The following LPAR1 variants were observed in gnomAD, a reference collection of about 807,000 sequenced individuals.
The protein encoded by LPAR1 is lysophosphatidic acid receptor 1, also known as LPA receptor 1.
Under a neutral mutation model 23.8 loss-of-function variants are expected in LPAR1, and 5 were observed. The ratio of observed to expected loss-of-function variants is 0.21; its 90% CI spans 0.11 to 0.44. The LOEUF is 0.44. Ranked by LOEUF, LPAR1 falls within the 20% of genes least tolerant of loss-of-function variation. The pLI is 0.99. For missense variants in LPAR1, 311 were observed against 482.8 expected (o/e 0.64, Z 3.33); for synonymous variants, 160 against 164.7 (o/e 0.97, Z 0.22).
chr9:110,986,254 C>T (rs1336720846), intron 2 of LPAR1, among the ~76,000 whole-genome samples: 1 of 152,120 alleles, frequency 6.6e-6, no homozygotes, highest in Non-Finnish European at 1.5e-5. Flanking sequence ...ACTGAGGGCG[C>T]CACTGTGCCA....
intron 2 of LPAR1, among the ~76,000 whole-genome samples, chr9:111,020,959 A>C (rs2097548996): frequency 6.6e-6 from 1 of 152,228 alleles, no homozygotes; most frequent in African/African-American, 2.4e-5. Context: ...CAAACAGAAA[A>C]AGCATGCATC....
chr9:110,991,751 G>A (rs1227484283), intron 2 of LPAR1, among the ~76,000 whole-genome samples: 4 of 152,062 alleles, frequency 2.6e-5, no homozygotes, highest in African/African-American at 9.7e-5. Flanking sequence ...TGGGATTACA[G>A]GTATGTGCCA....
At chr9:111,025,272 G>A (rs918551644) in intron 2 of LPAR1, among the ~76,000 whole-genome samples, 24 of 152,134 alleles carry the variant, frequency 1.6e-4, no homozygotes, top group African/African-American at 5.8e-4. Context: ...GCTCATTGTG[G>A]TTTGATTTGT....
At chr9:111,008,963 C>G (rs2097272945) in intron 2 of LPAR1, among the ~76,000 whole-genome samples, 1 of 151,864 alleles carries the variant, frequency 6.6e-6, no homozygotes. Context: ...GGGGTGGGAT[C>G]GCAAAGCACA....
intron 2 of LPAR1, among the ~76,000 whole-genome samples, chr9:110,975,698 GCTCTT>G (rs1247408919): frequency 6.6e-6 from 1 of 152,148 alleles, no homozygotes; most frequent in Non-Finnish European, 1.5e-5. Flanking sequence ...AGAACCTTGT[GCTCTT>G]CTCATCTATA....
At chr9:110,997,615 A>G (rs533889834) in intron 2 of LPAR1, among the ~76,000 whole-genome samples, 7 of 152,274 alleles carry the variant, frequency 4.6e-5, no homozygotes, top group African/African-American at 1.7e-4. Flanking sequence ...CTTTTAACAG[A>G]GTTTTTTATT....
intron 5 of LPAR1, among the ~76,000 whole-genome samples, chr9:110,911,368 G>T (rs939570425): frequency 2.0e-5 from 3 of 152,002 alleles, no homozygotes; most frequent in African/African-American, 7.2e-5. Context: ...GCAACATAGC[G>T]AGATGTCATT....
rs569190522 is a variant in LPAR1, at chr9:110,941,471, C to T, written c.743G>A (p.Arg248Gln). The T allele has an allele frequency of 1.3e-5, 21 of 1,613,960 alleles. No individual in the cohort carries two copies. Among genetic ancestry groups the T allele is most frequent in the South Asian group, 5.5e-5 (5 of 91,062 alleles). Reference protein sequence around the residue: ...RMSRHSSGPRRNRDTMMSLLK... With the variant: ...RMSRHSSGPRQNRDTMMSLLK... ...AAGACTCATCATGGTATCCCGATTC[C>T]GCCGGGGTCCAGAACTATGCCGAGA... Residue 248 changes from arginine (R) to glutamine (Q), a missense_variant, in exon 5 of 6, where the codon CGG becomes CAG. By Grantham distance (43) the Arg-to-Gln change is conservative (BLOSUM62 1). This residue lies in a region of LPAR1 where 250 missense variants were observed against 427.2 expected (regional missense o/e 0.59). Transcript: ENST00000683809. The surrounding 1 kb of genome is among the most constrained non-coding windows in gnomAD (Gnocchi z 6.1).
chr9:110,907,724 T>A (rs2091581195), intron 5 of LPAR1, among the ~76,000 whole-genome samples: 1 of 152,164 alleles, frequency 6.6e-6, no homozygotes, highest in African/African-American at 2.4e-5. Flanking sequence ...TCTGTACTAA[T>A]CATATGTTAT....
chr9:110,941,614 G>A lies in LPAR1; in HGVS notation c.600C>T (p.Pro200=), dbSNP rs367969972. ...CDIENCSNMA[P]LYSDSYLVFW... is the part of the protein sequence containing the mutation. ...AGACTAAGTAAGAGTCACTGTAGAG[G>A]GGTGCCATGTTGGAACAATTTTCAA... The change falls in exon 5 of 6, where the codon CCC becomes CCT. Residue 200 remains proline (P), a synonymous_variant. Transcript: ENST00000683809. The surrounding 1 kb of genome is among the most constrained non-coding windows in gnomAD (Gnocchi z 6.1). 38 of 1,613,952 alleles carry A rather than the reference G, an allele frequency of 2.4e-5. No homozygotes were observed. In the African/African-American group the frequency reaches 4.8e-4, roughly 20 times the overall value.
intron 4 of LPAR1, among the ~76,000 whole-genome samples, chr9:110,942,773 C>G (rs545964751): frequency 1.3e-5 from 2 of 152,160 alleles, no homozygotes; most frequent in Non-Finnish European, 2.9e-5. Flanking sequence ...TGCCTACCCC[C>G]ACAACTCCTT....
intron 2 of LPAR1, among the ~76,000 whole-genome samples, chr9:111,000,084 T>C (rs1474779291): frequency 6.6e-6 from 1 of 152,128 alleles, no homozygotes; most frequent in Non-Finnish European, 1.5e-5. Context: ...CACCTCCTAA[T>C]ACCATCGCCT....
intron 5 of LPAR1, among the ~76,000 whole-genome samples, chr9:110,923,839 G>A (rs931072860): frequency 2.6e-5 from 4 of 152,120 alleles, no homozygotes; most frequent in African/African-American, 4.8e-5. Flanking sequence ...TAATCACCAC[G>A]CTGTCTTTTT....
chr9:111,036,272 C>T (rs1166048705), intron 1 of LPAR1, 71 bp from the exon 2 acceptor site: 2 of 151,696 alleles, frequency 1.3e-5, no homozygotes, highest in Non-Finnish European at 1.5e-5. Flanking sequence ...TCACCTTGAC[C>T]TCACCCTAGT....
At chr9:110,976,709 C>T (rs2096562968) in intron 2 of LPAR1, among the ~76,000 whole-genome samples, 1 of 152,146 alleles carries the variant, frequency 6.6e-6, no homozygotes, top group African/African-American at 2.4e-5. Context: ...TCTCTTCTTT[C>T]CTAGTTGTCT....
chr9:111,015,077 G>A (rs1183528113), intron 2 of LPAR1, among the ~76,000 whole-genome samples: 1 of 152,066 alleles, frequency 6.6e-6, no homozygotes, highest in East Asian at 1.9e-4. Flanking sequence ...GAAGACACGG[G>A]GAGGAGACCA....
At chr9:110,897,786 G>A (rs2086962610) in intron 5 of LPAR1, among the ~76,000 whole-genome samples, 1 of 149,400 alleles carries the variant, frequency 6.7e-6, no homozygotes, top group Non-Finnish European at 1.5e-5. Context: ...AAAATAACTA[G>A]ATATAGACTA....
intron 2 of LPAR1, among the ~76,000 whole-genome samples, chr9:111,023,222 T>C (rs2097599412): frequency 6.6e-6 from 1 of 152,226 alleles, no homozygotes; most frequent in Non-Finnish European, 1.5e-5. Flanking sequence ...GAAGGCCTAC[T>C]AAGTATCACA....
In LPAR1 at chr9:110,913,663, T is replaced by TGG. The variant is rs1371241662; in HGVS notation, c.793+27757_793+27758insCC. On this transcript the variant is annotated intron_variant, in intron 5 of 5. Coordinates refer to ENST00000683809, the MANE Select transcript of LPAR1 (RefSeq NM_001351411.2). ...AGTATGCCCACAAACAAAAAGCACA[T>TGG]TCTGAATGGAACAAACCAAGTGAAG... Among the ~76,000 whole-genome samples, 18 of 152,180 alleles carry TGG rather than the reference T, an allele frequency of 1.2e-4. No homozygotes were observed. The South Asian group carries it at 3.7e-3, about 32-fold the overall frequency.
Sources: allele counts gnomAD v4.1 joint callset (sites outside exome capture counted in the v4.1 genomes callset), GRCh38; gene constraint gnomAD v4.1.1; regional missense constraint gnomAD v4.1.1; non-coding constraint Gnocchi (gnomAD v3.1); transcripts MANE v1.5; gene names NCBI Gene and HGNC (gene_info 2026-07-23, HGNC 2026-07-21).